FLOT2: variants seen among roughly 807,000 people sequenced by gnomAD.
FLOT2 encodes the protein flotillin 2.
In FLOT2, 35 loss-of-function variants were observed where a neutral mutation model predicts 54.9. The ratio of observed to expected loss-of-function variants is 0.64; its 90% CI spans 0.49 to 0.84. FLOT2 has a LOEUF of 0.84. FLOT2 is among the 40% of genes least tolerant of loss of function. The pLI, the probability that FLOT2 is intolerant of heterozygous loss-of-function variation, is 0.00. For synonymous variants in FLOT2, 207 were observed against 228.9 expected, an observed-to-expected ratio of 0.90 and a Z score of 0.86; for missense variants, 464 against 572.1, an observed-to-expected ratio of 0.81 and a Z score of 1.93.
rs1218706690 is a variant in FLOT2, at chr17:28,881,878, C to T, written c.850G>A (p.Ala284Thr). The change falls in exon 8 of 11, where the codon GCT (alanine) becomes ACT (threonine). Residue 284 changes from alanine to threonine, a missense_variant. Coordinates refer to ENST00000394908, the MANE Select transcript of FLOT2 (RefSeq NM_004475.3). Reference sequence around the variant, plus strand: ...GCCTCGGCAGGCCGGCGCACTGTAGCGATGAGCTCCTTGTCCGTACGCAGG... The same window carrying T: ...GCCTCGGCAGGCCGGCGCACTGTAGTGATGAGCTCCTTGTCCGTACGCAGG... ...EILRTDKELIATVRRPAEAEA... is the reference protein window; with the variant it reads ...EILRTDKELITTVRRPAEAEA... 4.3e-6 allele frequency: 7 copies of T among 1,613,672 alleles called. No homozygotes were observed. Among genetic ancestry groups the T allele is most frequent in the South Asian group, 1.1e-5 (1 of 91,090 alleles).
At chr17:28,891,944 C>T (rs147676173) in intron 1 of FLOT2, among the ~76,000 whole-genome samples, 24 of 152,330 alleles carry the variant, frequency 1.6e-4, no homozygotes, top group Non-Finnish European at 2.9e-4. Context: ...GGTCTGCTGC[C>T]ATGCGTGAAG....
At chr17:28,881,041 G>A in intron 9 of FLOT2, 151 bp downstream of exon 9, 1 of 1,027,696 alleles carries the variant, frequency 9.7e-7, no homozygotes. Context: ...CCTTTGTAGG[G>A]TTCCTGCCCC....
At chr17:28,893,420 T>C (rs2039687031) in intron 1 of FLOT2, 1 of 150,878 alleles carries the variant, frequency 6.6e-6, no homozygotes, top group Non-Finnish European at 1.5e-5. Flanking sequence ...TCTTTTTTTT[T>C]TTTTTTTTTT....
intron 8 of FLOT2, 139 bp downstream of exon 8, chr17:28,881,675 T>TCCTCA (rs2152646189): frequency 1.3e-6 from 1 of 785,056 alleles, no homozygotes; most frequent in East Asian, 2.6e-5. Context: ...CATGGGGTTA[T>TCCTCA]CCTCACTTCA....
chr17:28,881,086 C>CATCT, intron 9 of FLOT2, 106 bp downstream of exon 9: 1 of 1,134,546 alleles, frequency 8.8e-7, no homozygotes, highest in Non-Finnish European at 1.3e-6. Flanking sequence ...CCCTTCTAGC[C>CATCT]ATCTGTCCCT....
chr17:28,887,784 G>A (rs1567933862), intron 2 of FLOT2, among the ~76,000 whole-genome samples: 1 of 152,218 alleles, frequency 6.6e-6, no homozygotes, highest in Non-Finnish European at 1.5e-5. Context: ...CTCGAGTGGA[G>A]GCTGTGGCCA....
At position 28,882,455 on chromosome 17, in the gene FLOT2, G is replaced by T; in HGVS notation, c.466-5C>A. 2.5e-6 allele frequency: 4 copies of T among 1,612,920 alleles called. No individual in the cohort carries two copies. Among genetic ancestry groups the T allele is most frequent in the Non-Finnish European group, 2.5e-6 (3 of 1,179,036 alleles). Reference sequence around the variant, plus strand: ...GTCCACTTTGTCATACACGTCCTGGGGAGGGAAGGGGGTATCAGAGGCTCA... The same window carrying T: ...GTCCACTTTGTCATACACGTCCTGGTGAGGGAAGGGGGTATCAGAGGCTCA... On this transcript the variant is annotated splice_polypyrimidine_tract_variant and splice_region_variant and intron_variant, in intron 5 of 10. Coordinates refer to ENST00000394908, the MANE Select transcript of FLOT2 (RefSeq NM_004475.3). The surrounding 1 kb of genome is among the most constrained non-coding windows in gnomAD (Gnocchi z 5.6).
At chr17:28,885,363 T>A (rs1357330793) in intron 2 of FLOT2, among the ~76,000 whole-genome samples, 1 of 152,176 alleles carries the variant, frequency 6.6e-6, no homozygotes, top group Admixed American at 6.5e-5. Context: ...GGTTCAGGCC[T>A]CTTCCAGGCT....
At position 28,881,147 on chromosome 17, in the gene FLOT2, G is replaced by A. The variant is rs754560907; in HGVS notation, c.1098+45C>T. Reference sequence around the variant, plus strand: ...TTCTGGCACTTGCCCAGCTTGTCAAGCAAGGACACTTGAACCCTAGGACCC... The same window carrying A: ...TTCTGGCACTTGCCCAGCTTGTCAAACAAGGACACTTGAACCCTAGGACCC... On this transcript the variant is annotated intron_variant, in intron 9 of 10. Coordinates refer to ENST00000394908, the MANE Select transcript of FLOT2 (RefSeq NM_004475.3). 7 of 1,563,858 alleles carry A rather than the reference G, an allele frequency of 4.5e-6. No individual in the cohort carries two copies. In the South Asian group the frequency reaches 6.9e-5, roughly 15 times the overall value.
chr17:28,880,275 T>C lies in FLOT2; in HGVS notation c.*286A>G. 2 of 1,309,874 alleles carry C rather than the reference T, an allele frequency of 1.5e-6. No individual in the cohort carries two copies. The highest frequency in any genetic ancestry group is 1.9e-6 in the Non-Finnish European group (2 of 1,027,014). 81.1% of individuals were successfully genotyped at this position (1,309,874 alleles called of 1,614,324 possible). ...AACATCTTCAGCTTAATCTACATGA[T>C]GTGCATGGGGGAAAGAAAAAGACAG... On this transcript the variant is annotated 3_prime_UTR_variant, in exon 11 of 11. Transcript: ENST00000394908.
intron 2 of FLOT2, among the ~76,000 whole-genome samples, chr17:28,887,393 TAAG>T (rs1198609060): frequency 6.6e-6 from 1 of 151,804 alleles, no homozygotes; most frequent in Non-Finnish European, 1.5e-5. Flanking sequence ...AGAAAAGGTG[TAAG>T]AAGGAGAAGG....
intron 1 of FLOT2, among the ~76,000 whole-genome samples, chr17:28,896,061 G>A (rs761904382): frequency 2.8e-4 from 43 of 152,222 alleles, no homozygotes; most frequent in Non-Finnish European, 5.4e-4. Flanking sequence ...TGTCACCCCC[G>A]CCAACCTTCT....
chr17:28,883,053 C>T lies in FLOT2; in HGVS notation c.346+55G>A. On this transcript the variant is annotated intron_variant, in intron 4 of 10. Coordinates refer to ENST00000394908, the MANE Select transcript of FLOT2 (RefSeq NM_004475.3). The surrounding 1 kb of genome is among the most constrained non-coding windows in gnomAD (Gnocchi z 5.0). ...CCCCCTGCCCAGCCCTGCACACCTCCCTGCCTTGGCTTAGGGGCCCCGTGA... is the reference window on the plus strand; with the variant it reads ...CCCCCTGCCCAGCCCTGCACACCTCTCTGCCTTGGCTTAGGGGCCCCGTGA... 1 of 1,600,424 alleles carries T rather than the reference C, an allele frequency of 6.2e-7. No individual in the cohort carries two copies.
chr17:28,894,329 A>G (rs986483698), intron 1 of FLOT2, among the ~76,000 whole-genome samples: 15 of 151,832 alleles, frequency 9.9e-5, no homozygotes, highest in Admixed American at 9.2e-4. Flanking sequence ...TCTACAAAAA[A>G]TTAAAAATTA....
chr17:28,886,796 G>A (rs1295230549), intron 2 of FLOT2, among the ~76,000 whole-genome samples: 1 of 152,188 alleles, frequency 6.6e-6, no homozygotes, highest in African/African-American at 2.4e-5. Context: ...AGGTGGAGGG[G>A]GTGATAAGGA....
intron 1 of FLOT2, among the ~76,000 whole-genome samples, chr17:28,895,991 G>A (rs1240560716): frequency 6.6e-6 from 1 of 152,088 alleles, no homozygotes. Flanking sequence ...CACACAAGAG[G>A]GAGCTGGATC....
In FLOT2 at chr17:28,882,202, C is replaced by CTTCAT; in HGVS notation, c.614_615insATGAA (p.Phe206Ter). The CTTCAT allele has an allele frequency of 1.1e-5, 18 of 1,614,214 alleles. No individual in the cohort carries two copies. The highest frequency in any genetic ancestry group is 1.4e-5 in the Non-Finnish European group (17 of 1,180,046). On this transcript the variant is annotated stop_gained and frameshift_variant, in exon 7 of 11. Transcript: ENST00000394908. LOFTEE classifies it high-confidence loss of function. The surrounding 1 kb of genome is among the most constrained non-coding windows in gnomAD (Gnocchi z 5.6). ...CAGCAATCTTGGTGTCTGCCATGAA[C>CTTCAT]TTCACATCCAGCATCTCCTTCTTGC...
In FLOT2 at chr17:28,880,876, G is replaced by A. The variant is rs759674222; in HGVS notation, c.1099-14C>T. 1.1e-5 allele frequency: 18 copies of A among 1,613,766 alleles called. No homozygotes were observed. The Admixed American group carries it at 2.7e-4, about 24-fold the overall frequency. ...TTTGGCAGCAATCTAGGAGGTAAGA[G>A]TGGGAGGACAGCCTGGTTGGCGCTG... is the stretch of plus-strand genomic sequence containing the variant. On this transcript the variant is annotated splice_polypyrimidine_tract_variant and intron_variant, in intron 9 of 10. Coordinates refer to ENST00000394908, the MANE Select transcript of FLOT2 (RefSeq NM_004475.3).
intron 1 of FLOT2, among the ~76,000 whole-genome samples, chr17:28,894,817 T>C (rs946106861): frequency 1.3e-5 from 2 of 150,624 alleles, no homozygotes; most frequent in African/African-American, 2.4e-5. Flanking sequence ...AAAAAGTCCA[T>C]ATCCTACTAG....
Sources: allele counts gnomAD v4.1 joint callset (sites outside exome capture counted in the v4.1 genomes callset), GRCh38; gene constraint gnomAD v4.1.1; non-coding constraint Gnocchi (gnomAD v3.1); transcripts MANE v1.5; gene names NCBI Gene and HGNC (gene_info 2026-07-23, HGNC 2026-07-21).